Variants in SPTLC3 observed in about 807,000 individuals in gnomAD.
SPTLC3 encodes serine palmitoyltransferase 3.
A neutral mutation model predicts 59.3 loss-of-function variants in SPTLC3; 36 were observed. The ratio of observed to expected loss-of-function variants is 0.61; its 90% CI spans 0.47 to 0.80. The LOEUF is 0.80. SPTLC3 is among the 30% of genes least tolerant of loss of function. SPTLC3 has a pLI of 0.00. For missense variants in SPTLC3, 625 were observed against 685.1 expected (o/e 0.91, Z 0.98); for synonymous variants, 257 against 240.8 (o/e 1.07, Z -0.62).
At position 13,025,110 on chromosome 20, in the gene SPTLC3, C is replaced by T. The variant is rs1039122958; in HGVS notation, c.117+15726C>T. ...CACATGTAGAAAACTTCCTTTTCTG[C>T]GTGTCACAGATCACCACGTCAGAGA... On this transcript the variant is annotated intron_variant, in intron 1 of 11. Transcript: ENST00000399002. Among the ~76,000 whole-genome samples, 5 of 152,232 alleles carry T rather than the reference C, an allele frequency of 3.3e-5. No homozygotes were observed. In the East Asian group the frequency reaches 5.8e-4, roughly 18 times the overall value.
intron 6 of SPTLC3, among the ~76,000 whole-genome samples, chr20:13,100,046 T>C (rs6041856): frequency 0.31 from 46,849 of 152,128 alleles, 7,940 homozygotes; most frequent in Middle Eastern, 0.39. Flanking sequence ...TTAACAATAC[T>C]CTTCTGCCTG....
intron 9 of SPTLC3, among the ~76,000 whole-genome samples, chr20:13,143,763 G>A (rs375447836): frequency 5.3e-4 from 81 of 152,258 alleles, no homozygotes; most frequent in African/African-American, 1.3e-3. Context: ...TCATTTGCAC[G>A]GTTTCTCAGA....
At chr20:13,090,209 G>C (rs1186800186) in intron 4 of SPTLC3, among the ~76,000 whole-genome samples, 1 of 152,174 alleles carries the variant, frequency 6.6e-6, no homozygotes, top group Admixed American at 6.5e-5. Context: ...ATTGTAAAGA[G>C]ATAAAAACTA....
intron 9 of SPTLC3, among the ~76,000 whole-genome samples, chr20:13,144,033 G>C (rs927344846): frequency 1.3e-5 from 2 of 152,064 alleles, no homozygotes; most frequent in Admixed American, 1.3e-4. Flanking sequence ...TGCTTCCAGG[G>C]CTCTCTAATA....
chr20:13,045,486 G>T (rs1987190422), intron 1 of SPTLC3, among the ~76,000 whole-genome samples: 1 of 152,084 alleles, frequency 6.6e-6, no homozygotes, highest in East Asian at 1.9e-4. Context: ...TTCCTCCTGG[G>T]AGGTGTGACT....
chr20:13,048,905 C>T, intron 1 of SPTLC3, 40 bp from the exon 2 acceptor site: 1 of 1,506,876 alleles, frequency 6.6e-7, no homozygotes, highest in South Asian at 1.4e-5. Flanking sequence ...ATATCTGTAA[C>T]AGGAGAATGC....
intron 4 of SPTLC3, among the ~76,000 whole-genome samples, chr20:13,082,461 AAATAAG>A (rs371295725): frequency 5.5e-4 from 77 of 140,964 alleles, no homozygotes; most frequent in African/African-American, 1.9e-3. Flanking sequence ...GGAATAATAA[AAATAAG>A]AATAAGACTT....
intron 1 of SPTLC3, among the ~76,000 whole-genome samples, chr20:13,014,789 TAAA>T (rs59783373): frequency 0.011 from 1,508 of 141,426 alleles, 31 homozygotes; most frequent in African/African-American, 0.037. Context: ...TGTCTAAATT[TAAA>T]AAAAAAAAAA....
chr20:13,128,940 G>T (rs73610452), intron 9 of SPTLC3, among the ~76,000 whole-genome samples: 16,982 of 148,528 alleles, frequency 0.11, 1,074 homozygotes, highest in East Asian at 0.2. Flanking sequence ...ACAATGGTGC[G>T]ATCTCAGCTC....
chr20:13,089,364 G>A (rs551382211), intron 4 of SPTLC3, among the ~76,000 whole-genome samples: 7 of 152,198 alleles, frequency 4.6e-5, no homozygotes, highest in South Asian at 4.1e-4. Context: ...GAGGCAAGAC[G>A]CATGTGTAAT....
intron 6 of SPTLC3, among the ~76,000 whole-genome samples, chr20:13,108,966 A>G (rs545214160): frequency 5.9e-4 from 90 of 152,224 alleles, no homozygotes; most frequent in Non-Finnish European, 1.0e-3. Flanking sequence ...ATCTTCTCAA[A>G]AAAGGGAAAG....
chr20:13,032,254 A>G (rs1455089600), intron 1 of SPTLC3, among the ~76,000 whole-genome samples: 2 of 152,220 alleles, frequency 1.3e-5, no homozygotes, highest in African/African-American at 2.4e-5. Context: ...AGGATGGTGA[A>G]GGATAGCCAC....
intron 1 of SPTLC3, among the ~76,000 whole-genome samples, chr20:13,038,877 C>A (rs529277409): frequency 6.6e-6 from 1 of 152,152 alleles, no homozygotes; most frequent in South Asian, 2.1e-4. Flanking sequence ...CTTCTAATTT[C>A]ACTTGATGTC....
chr20:13,030,288 C>A (rs1986374403), intron 1 of SPTLC3, among the ~76,000 whole-genome samples: 1 of 152,182 alleles, frequency 6.6e-6, no homozygotes, highest in Admixed American at 6.5e-5. Flanking sequence ...GAATTTTGGT[C>A]AGAGACTTGA....
Position 13,168,387 on chromosome 20 carries a change from T to G in SPTLC3, c.*3520T>G, listed in dbSNP as rs2039011275. On this transcript the variant is annotated 3_prime_UTR_variant, in exon 12 of 12. Transcript: ENST00000399002. ...TAGTAGAGACAAGGTTTTTCCCTGT[T>G]GGTCAGGCTGGTCTCGAACTCCTGA... 1 of 152,270 alleles carries G rather than the reference T, an allele frequency of 6.6e-6. No individual in the cohort carries two copies. Among genetic ancestry groups the G allele is most frequent in the Non-Finnish European group, 1.5e-5 (1 of 68,110 alleles). 9.4% of individuals were successfully genotyped at this position (152,270 alleles called of 1,614,324 possible).
At chr20:13,091,622 G>T (rs982579782) in intron 5 of SPTLC3, among the ~76,000 whole-genome samples, 1 of 151,772 alleles carries the variant, frequency 6.6e-6, no homozygotes, top group Admixed American at 6.6e-5. Flanking sequence ...GGTTCTTTTC[G>T]TAGGAGAAAC....
rs1168439653 is a variant in SPTLC3, at chr20:13,152,493, A to C, written c.1280-1510A>C. Among the ~76,000 whole-genome samples the C allele has an allele frequency of 2.0e-5, 3 of 152,222 alleles. No individual in the cohort carries two copies. The East Asian group carries it at 5.8e-4, about 29-fold the overall frequency. On this transcript the variant is annotated intron_variant, in intron 9 of 11. Transcript: ENST00000399002. ...GACCCAAAGGTTCAGATGATCCATC[A>C]GGACTCTCAGTGTCCTGCGCAGTGG...
chr20:13,044,116 T>C (rs1362954788), intron 1 of SPTLC3, among the ~76,000 whole-genome samples: 1 of 147,474 alleles, frequency 6.8e-6, no homozygotes, highest in African/African-American at 2.5e-5. Flanking sequence ...TTTTTTTTTT[T>C]TGAGATGGAG....
chr20:13,105,273 A>C (rs1989821894), intron 6 of SPTLC3, among the ~76,000 whole-genome samples: 1 of 151,786 alleles, frequency 6.6e-6, no homozygotes, highest in South Asian at 2.1e-4. Flanking sequence ...GGAGGAAAAA[A>C]AAAATGGCTA....
Sources: allele counts gnomAD v4.1 joint callset (sites outside exome capture counted in the v4.1 genomes callset), GRCh38; gene constraint gnomAD v4.1.1; transcripts MANE v1.5; gene names NCBI Gene and HGNC (gene_info 2026-07-23, HGNC 2026-07-21).